Variants in AGAP1 observed in about 807,000 individuals in gnomAD.
AGAP1 encodes ArfGAP with GTPase domain, ankyrin repeat and PH domain 1.
A neutral mutation model predicts 105.3 loss-of-function variants in AGAP1; 29 were observed. The ratio of observed to expected loss-of-function variants is 0.28; its 90% confidence interval spans 0.21 to 0.38. AGAP1 has a LOEUF of 0.38. AGAP1 is among the 10% of genes least tolerant of loss of function. AGAP1 has a pLI of 1.00. For synonymous variants in AGAP1, 509 were observed against 485.9 expected, an observed-to-expected ratio of 1.05 and a Z score of -0.63; for missense variants, 998 against 1,165.1, an observed-to-expected ratio of 0.86 and a Z score of 2.09.
chr2:235,774,453 C>T (rs913491061), intron 6 of AGAP1: 4 of 458,836 alleles, frequency 8.7e-6, no homozygotes, highest in African/African-American at 2.0e-5. Context: ...CCCAAGTCAG[C>T]GTGGACTTGG....
chr2:235,555,328 C>A lies in AGAP1; in HGVS notation c.163+60479C>A, dbSNP rs760174808. ...TTTCTAGTGTCTGAGTAAAGGCAGT[C>A]CCCAGTCCAGTCTGCAAAGCCTGGC... On this transcript the variant is annotated intron_variant, in intron 1 of 17. Coordinates refer to ENST00000304032, the MANE Select transcript of AGAP1 (RefSeq NM_001037131.3). This position sits in a 1 kb window ranked among gnomAD's most constrained non-coding sequence, Gnocchi z 5.1. Among the ~76,000 whole-genome samples, 1 of 152,130 alleles carries A rather than the reference C, an allele frequency of 6.6e-6. No homozygotes were observed. The highest frequency in any genetic ancestry group is 2.1e-4 in the South Asian group (1 of 4,818).
intron 16 of AGAP1, among the ~76,000 whole-genome samples, chr2:236,102,729 G>A (rs1349022445): frequency 2.0e-5 from 3 of 152,118 alleles, no homozygotes; most frequent in African/African-American, 4.8e-5. Flanking sequence ...GAGACTTTGT[G>A]AGTTAAGGGG....
intron 1 of AGAP1, among the ~76,000 whole-genome samples, chr2:235,667,707 T>TCC (rs1948171535): frequency 6.6e-6 from 1 of 152,110 alleles, no homozygotes; most frequent in Non-Finnish European, 1.5e-5. Flanking sequence ...ACGCCTGTAA[T>TCC]CCCAGCACTC....
chr2:235,624,394 C>T lies in AGAP1; in HGVS notation c.164-84785C>T, dbSNP rs1386866206. Among the ~76,000 whole-genome samples, 3 of 152,188 alleles carry T rather than the reference C, an allele frequency of 2.0e-5. No individual in the cohort carries two copies. In the East Asian group the frequency reaches 5.8e-4, roughly 29 times the overall value. ...CTGTGTCCTTAGACAGTAGATGGTG[C>T]TCTGTGTGCATGAGGGGAAGCACCT... On this transcript the variant is annotated intron_variant, in intron 1 of 17. Transcript: ENST00000304032.
rs534977506 is a variant in AGAP1 at position 235,660,343 on chromosome 2, C to T, written c.164-48836C>T. ...GGGGGTTTAGTACAAGTTGACCAAC[C>T]TTCTTGTTGGTAACATGACTGAGGC... On this transcript the variant is annotated intron_variant, in intron 1 of 17. Transcript: ENST00000304032. This position sits in a 1 kb window ranked among gnomAD's most constrained non-coding sequence, Gnocchi z 5.3. 6.6e-6 allele frequency among the ~76,000 whole-genome samples: 1 copy of T among 152,270 alleles called. No individual in the cohort carries two copies. Among genetic ancestry groups the T allele is most frequent in the South Asian group, 2.1e-4 (1 of 4,820 alleles).
chr2:235,518,723 G>A (rs777747748), intron 1 of AGAP1, among the ~76,000 whole-genome samples: 4 of 152,176 alleles, frequency 2.6e-5, no homozygotes, highest in African/African-American at 4.8e-5. Context: ...ATTAATGCTT[G>A]GATATAACTT....
chr2:235,737,306 T>A lies in AGAP1; in HGVS notation c.311-3657T>A, dbSNP rs1264717949. The stretch of plus-strand genomic sequence containing the variant: ...AAAAATCATGCAAATCAATTACCAG[T>A]ATCTGGTGTTTGAAATTGTAAGATG... On this transcript the variant is annotated intron_variant, in intron 3 of 17. Coordinates refer to ENST00000304032, the MANE Select transcript of AGAP1 (RefSeq NM_001037131.3). The surrounding 1 kb of genome is among the most constrained non-coding windows in gnomAD (Gnocchi z 4.5). Among the ~76,000 whole-genome samples the A allele has an allele frequency of 6.6e-6, 1 of 152,238 alleles. No individual in the cohort carries two copies. Among genetic ancestry groups the A allele is most frequent in the African/African-American group, 2.4e-5 (1 of 41,462 alleles).
chr2:235,940,874 A>G (rs954915248), intron 12 of AGAP1, among the ~76,000 whole-genome samples: 1 of 152,128 alleles, frequency 6.6e-6, no homozygotes, highest in African/African-American at 2.4e-5. Flanking sequence ...CATCATCACA[A>G]TGTCATTGCA....
At position 235,935,000 on chromosome 2, in the gene AGAP1, A is replaced by G. The variant is rs1290936623; in HGVS notation, c.1483+4077A>G. 6.6e-6 allele frequency among the ~76,000 whole-genome samples: 1 copy of G among 152,114 alleles called. No homozygotes were observed. Among genetic ancestry groups the G allele is most frequent in the Non-Finnish European group, 1.5e-5 (1 of 68,018 alleles). On this transcript the variant is annotated intron_variant, in intron 12 of 17. Coordinates refer to ENST00000304032, the MANE Select transcript of AGAP1 (RefSeq NM_001037131.3). This position sits in a 1 kb window ranked among gnomAD's most constrained non-coding sequence, Gnocchi z 4.9. ...TTTCTTCCTTTAAAGCAGCTGTGAGAAACTCCTAATTAGATAGATTCCTTT... is the reference window on the plus strand; with the variant it reads ...TTTCTTCCTTTAAAGCAGCTGTGAGGAACTCCTAATTAGATAGATTCCTTT...
At position 235,893,582 on chromosome 2, in the gene AGAP1, CGT is replaced by C. The variant is rs1559617055; in HGVS notation, c.1155+10134_1155+10135del. On this transcript the variant is annotated intron_variant, in intron 10 of 17. Coordinates refer to ENST00000304032, the MANE Select transcript of AGAP1 (RefSeq NM_001037131.3). This position sits in a 1 kb window ranked among gnomAD's most constrained non-coding sequence, Gnocchi z 4.7. ...GTCCATCATGAGGGTGCGCCGTGTCCGTCATGCAGATGTGCCTTCATGGCCCT... is the reference window on the plus strand; with the variant it reads ...GTCCATCATGAGGGTGCGCCGTGTCCCATGCAGATGTGCCTTCATGGCCCT... Among the ~76,000 whole-genome samples the C allele has an allele frequency of 1.3e-5, 2 of 152,098 alleles. No homozygotes were observed. The highest frequency in any genetic ancestry group is 2.9e-5 in the Non-Finnish European group (2 of 68,026).
intron 11 of AGAP1, among the ~76,000 whole-genome samples, chr2:235,928,826 G>A (rs2052578889): frequency 6.6e-6 from 1 of 152,212 alleles, no homozygotes; most frequent in Non-Finnish European, 1.5e-5. Context: ...GAGCATGAGT[G>A]CTCCCCTTAG....
rs1942442269 is a variant in AGAP1, at chr2:235,517,610, AC to A, written c.163+22762del. Among the ~76,000 whole-genome samples the A allele has an allele frequency of 6.6e-6, 1 of 152,124 alleles. No homozygotes were observed. The highest frequency in any genetic ancestry group is 2.1e-4 in the South Asian group (1 of 4,822). On this transcript the variant is annotated intron_variant, in intron 1 of 17. Transcript: ENST00000304032. This position sits in a 1 kb window ranked among gnomAD's most constrained non-coding sequence, Gnocchi z 4.1. ...TCAAAGTCATGTTTTTAAAATATAAACTAGATTATGAAAAAAATTAAAACTT... is the reference window on the plus strand; with the variant it reads ...TCAAAGTCATGTTTTTAAAATATAAATAGATTATGAAAAAAATTAAAACTT...
chr2:235,757,162 A>C (rs983468852), intron 6 of AGAP1, among the ~76,000 whole-genome samples: 1 of 152,214 alleles, frequency 6.6e-6, no homozygotes, highest in South Asian at 2.1e-4. Context: ...GTCAAGATCC[A>C]TGTCAAAGAG....
At chr2:235,763,968 G>A (rs535015720) in intron 6 of AGAP1, among the ~76,000 whole-genome samples, 14 of 133,884 alleles carry the variant, frequency 1.0e-4, no homozygotes, top group Middle Eastern at 7.5e-3. Flanking sequence ...ACAGCACAGA[G>A]CACTGGTCTG....
intron 1 of AGAP1, among the ~76,000 whole-genome samples, chr2:235,624,790 G>A (rs1559297105): frequency 6.6e-6 from 1 of 152,128 alleles, no homozygotes; most frequent in Non-Finnish European, 1.5e-5. Context: ...TTGGATCATG[G>A]GGGCAGATCC....
At position 235,879,178 on chromosome 2, in the gene AGAP1, C is replaced by A. The variant is rs2049889033; in HGVS notation, c.1051-4167C>A. 6.6e-6 allele frequency among the ~76,000 whole-genome samples: 1 copy of A among 152,226 alleles called. No individual in the cohort carries two copies. Among genetic ancestry groups the A allele is most frequent in the Non-Finnish European group, 1.5e-5 (1 of 68,044 alleles). The stretch of plus-strand genomic sequence containing the variant: ...CCTGGCTTTCAGGGAGCCATGGCTT[C>A]CATAACTTCGCTGCCCCTGACTTGT... On this transcript the variant is annotated intron_variant, in intron 9 of 17. Coordinates refer to ENST00000304032, the MANE Select transcript of AGAP1 (RefSeq NM_001037131.3). This position sits in a 1 kb window ranked among gnomAD's most constrained non-coding sequence, Gnocchi z 5.0.
chr2:236,086,828 A>T (rs914945088), intron 16 of AGAP1, among the ~76,000 whole-genome samples: 1 of 151,796 alleles, frequency 6.6e-6, no homozygotes, highest in Admixed American at 6.6e-5. Context: ...CATAAATTTA[A>T]TTTCTTCAAG....
intron 10 of AGAP1, among the ~76,000 whole-genome samples, chr2:235,907,395 T>G (rs549663857): frequency 1.2e-4 from 18 of 151,828 alleles, no homozygotes; most frequent in Admixed American, 1.2e-3. Flanking sequence ...GACTTGAGAC[T>G]AGGAGTTGGA....
At chr2:235,702,129 G>A (rs547269890) in intron 1 of AGAP1, among the ~76,000 whole-genome samples, 1 of 152,220 alleles carries the variant, frequency 6.6e-6, no homozygotes, top group Admixed American at 6.5e-5. Flanking sequence ...GGTTCCTGGA[G>A]CCAAACAGAA....
Sources: gnomAD v4.1 joint callset for allele counts (sites outside exome capture counted in the v4.1 genomes callset) on GRCh38, gnomAD v4.1.1 for gene constraint, Gnocchi (gnomAD v3.1) non-coding constraint, MANE v1.5 for transcripts, NCBI Gene and HGNC (gene_info 2026-07-23, HGNC 2026-07-21) for gene names.